Variants in ATP9B observed in about 807,000 individuals in gnomAD.
ATP9B encodes probable phospholipid-transporting ATPase IIB.
In ATP9B, 110 loss-of-function variants were observed where a neutral mutation model predicts 146.1. The observed-to-expected ratio is 0.75, with a 90% CI of 0.65 to 0.88. The LOEUF (loss-of-function observed/expected upper bound fraction) is 0.88. ATP9B is among the 40% of genes least tolerant of loss of function. The pLI is 0.00. For synonymous variants in ATP9B, 604 were observed against 569.7 expected (o/e 1.06, Z -0.86); for missense variants, 1,499 against 1,496.4 (o/e 1.00, Z -0.03).
intron 19 of ATP9B, among the ~76,000 whole-genome samples, chr18:79,342,001 A>G (rs1475967885): frequency 6.6e-6 from 1 of 152,208 alleles, no homozygotes; most frequent in Non-Finnish European, 1.5e-5. Flanking sequence ...ATGGGATCAT[A>G]CAGTATTTGT....
chr18:79,177,343 C>G (rs1358422260), intron 8 of ATP9B, among the ~76,000 whole-genome samples: 3 of 152,168 alleles, frequency 2.0e-5, no homozygotes, highest in Non-Finnish European at 4.4e-5. Context: ...TCAAGTGATG[C>G]TCTCTCCACA....
intron 19 of ATP9B, among the ~76,000 whole-genome samples, chr18:79,339,889 C>G (rs909239295): frequency 1.3e-5 from 2 of 152,110 alleles, no homozygotes; most frequent in Non-Finnish European, 2.9e-5. Context: ...TTCAAAATTA[C>G]AAGAGAACAA....
chr18:79,156,669 C>G (rs2094787355), intron 7 of ATP9B, among the ~76,000 whole-genome samples: 1 of 152,220 alleles, frequency 6.6e-6, no homozygotes, highest in Non-Finnish European at 1.5e-5. Context: ...TACTAATTCT[C>G]TTTGCAAGTG....
intron 11 of ATP9B, among the ~76,000 whole-genome samples, chr18:79,217,024 T>C (rs912650205): frequency 5.3e-5 from 8 of 152,180 alleles, no homozygotes; most frequent in African/African-American, 1.9e-4. Flanking sequence ...ATGTCTTGAA[T>C]CCACACGATG....
chr18:79,226,544 G>A (rs958716336), intron 11 of ATP9B, among the ~76,000 whole-genome samples: 1 of 152,214 alleles, frequency 6.6e-6, no homozygotes, highest in African/African-American at 2.4e-5. Context: ...GTGAACACTG[G>A]TGAGCACATG....
Position 79,303,557 on chromosome 18 carries a change from G to A in ATP9B, c.1412-47G>A, listed in dbSNP as rs116617106. 4,495 of 1,511,326 alleles carry A rather than the reference G, an allele frequency of 3.0e-3. 111 individuals are homozygous for A. The African/African-American group carries it at 0.055, about 18-fold the overall frequency. 93.6% of individuals were successfully genotyped at this position (1,511,326 alleles called of 1,614,324 possible). ...CATGGTAGGAAAGCTGGGTGTTCCC[G>A]CAGGCCTCCTGCATTAATGTGTTTG... On this transcript the variant is annotated intron_variant, in intron 13 of 29. Transcript: ENST00000426216.
chr18:79,259,173 A>T (rs541686845), intron 12 of ATP9B, among the ~76,000 whole-genome samples: 43 of 152,358 alleles, frequency 2.8e-4, no homozygotes, highest in Admixed American at 7.2e-4. Flanking sequence ...TTCAGAGGAA[A>T]ATATTATAGT....
intron 8 of ATP9B, among the ~76,000 whole-genome samples, chr18:79,185,963 G>A (rs1184338417): frequency 1.3e-5 from 2 of 152,190 alleles, no homozygotes; most frequent in African/African-American, 4.8e-5. Flanking sequence ...AAATTTCAGA[G>A]TCATGTAATA....
intron 11 of ATP9B, among the ~76,000 whole-genome samples, chr18:79,250,332 C>A (rs1212414051): frequency 2.0e-5 from 3 of 152,222 alleles, no homozygotes; most frequent in African/African-American, 7.2e-5. Context: ...AAAAGACCAA[C>A]TCTGGAAGGC....
chr18:79,122,511 G>A (rs775620651), intron 4 of ATP9B, among the ~76,000 whole-genome samples: 4 of 152,128 alleles, frequency 2.6e-5, no homozygotes, highest in East Asian at 1.9e-4. Context: ...AGGAAATATA[G>A]CATTTCATCA....
chr18:79,274,475 G>A (rs1299579927), intron 12 of ATP9B, among the ~76,000 whole-genome samples: 1 of 152,170 alleles, frequency 6.6e-6, no homozygotes, highest in Non-Finnish European at 1.5e-5. Flanking sequence ...AATACCCCAT[G>A]TGGTAGTATA....
chr18:79,204,189 T>A (rs1407080327), intron 9 of ATP9B, among the ~76,000 whole-genome samples: 1 of 152,224 alleles, frequency 6.6e-6, no homozygotes, highest in African/African-American at 2.4e-5. Context: ...ATCTGGTATT[T>A]TCTGTGGAAA....
chr18:79,269,716 T>G (rs1411402652), intron 12 of ATP9B, among the ~76,000 whole-genome samples: 1 of 152,256 alleles, frequency 6.6e-6, no homozygotes, highest in Non-Finnish European at 1.5e-5. Flanking sequence ...GTTCATTTCC[T>G]AAGACATACA....
chr18:79,253,708 G>A, intron 12 of ATP9B, 167 bp downstream of exon 12: 1 of 701,604 alleles, frequency 1.4e-6, no homozygotes, highest in Non-Finnish European at 2.2e-6. Flanking sequence ...GTTGTTGGGG[G>A]AGACGTCATC....
At chr18:79,128,142 C>G (rs2094318855) in intron 5 of ATP9B, among the ~76,000 whole-genome samples, 2 of 148,018 alleles carry the variant, frequency 1.4e-5, no homozygotes, top group Admixed American at 1.4e-4. Flanking sequence ...TCACTGCTAC[C>G]TCCTCCTCCC....
At chr18:79,202,274 T>C (rs756478734) in intron 9 of ATP9B, among the ~76,000 whole-genome samples, 2 of 152,244 alleles carry the variant, frequency 1.3e-5, no homozygotes, top group Non-Finnish European at 2.9e-5. Flanking sequence ...ATTTCACTTA[T>C]TGTTCAAAAT....
At position 79,367,846 on chromosome 18, in the gene ATP9B, A is replaced by G. The variant is rs148541827; in HGVS notation, c.3013-4979A>G. Reference sequence around the variant, plus strand: ...TCGAAATCAAGGGCATTCCAAAAAGACATGTCCGGAGCTTTGAGGAGCAGC... The same window carrying G: ...TCGAAATCAAGGGCATTCCAAAAAGGCATGTCCGGAGCTTTGAGGAGCAGC... On this transcript the variant is annotated intron_variant, in intron 26 of 29. Coordinates refer to ENST00000426216, the MANE Select transcript of ATP9B (RefSeq NM_198531.5). Among the ~76,000 whole-genome samples the G allele has an allele frequency of 2.4e-3, 367 of 152,364 alleles. 1 individual carries two copies. The highest frequency in any genetic ancestry group is 6.4e-3 in the South Asian group (31 of 4,832).
intron 8 of ATP9B, among the ~76,000 whole-genome samples, chr18:79,184,636 A>G (rs950993719): frequency 6.6e-6 from 1 of 152,162 alleles, no homozygotes; most frequent in Non-Finnish European, 1.5e-5. Flanking sequence ...TTCTAATGTA[A>G]TTGGAACTGA....
chr18:79,101,639 TAC>T (rs35534497), intron 2 of ATP9B, among the ~76,000 whole-genome samples: 9,261 of 152,324 alleles, frequency 0.061, 365 homozygotes, highest in Non-Finnish European at 0.092. Context: ...TGTACCATTT[TAC>T]ATTTGCACTA....
Sources: gnomAD v4.1 joint callset for allele counts (sites outside exome capture counted in the v4.1 genomes callset) on GRCh38, gnomAD v4.1.1 for gene constraint, MANE v1.5 for transcripts, NCBI Gene and HGNC (gene_info 2026-07-23, HGNC 2026-07-21) for gene names.